The following TRIM2 variants were observed in gnomAD, a reference collection of about 807,000 sequenced individuals.
TRIM2 encodes the protein tripartite motif containing 2.
A neutral mutation model predicts 75.2 loss-of-function variants in TRIM2; 20 were observed. That is an observed-to-expected ratio of 0.27 (90% confidence interval 0.19 to 0.39). The LOEUF (loss-of-function observed/expected upper bound fraction) is 0.39, where lower values mean the gene tolerates loss of function less well. Ranked by LOEUF, TRIM2 falls within the 10% of genes least tolerant of loss-of-function variation. TRIM2 has a pLI of 1.00. For missense variants in TRIM2, 660 were observed against 990.8 expected, an observed-to-expected ratio of 0.67 and a Z score of 4.48; for synonymous variants, 373 against 388.3, an observed-to-expected ratio of 0.96 and a Z score of 0.46.
intron 1 of TRIM2, among the ~76,000 whole-genome samples, chr4:153,239,712 A>T (rs1457680168): frequency 5.9e-5 from 9 of 152,122 alleles, no homozygotes; most frequent in African/African-American, 2.2e-4. Flanking sequence ...CTTTCTCTTC[A>T]ACACATAACA....
chr4:153,255,389 A>G (rs528355568), intron 1 of TRIM2, among the ~76,000 whole-genome samples: 1 of 152,224 alleles, frequency 6.6e-6, no homozygotes, highest in Non-Finnish European at 1.5e-5. Flanking sequence ...GTTGACTGGA[A>G]GAAGAGAATG....
At chr4:153,188,677 C>T (rs1487412476) in intron 1 of TRIM2, among the ~76,000 whole-genome samples, 3 of 151,602 alleles carry the variant, frequency 2.0e-5, no homozygotes. Context: ...GCCTATAATC[C>T]CAGTGCTTTG....
intron 11 of TRIM2, among the ~76,000 whole-genome samples, chr4:153,331,554 A>G (rs1280380848): frequency 6.6e-6 from 1 of 152,228 alleles, no homozygotes; most frequent in African/African-American, 2.4e-5. Context: ...AGACTCAACA[A>G]TGATGTCAGT....
intron 1 of TRIM2, among the ~76,000 whole-genome samples, chr4:153,206,219 C>G (rs186227910): frequency 4.9e-4 from 74 of 152,320 alleles, no homozygotes; most frequent in African/African-American, 1.7e-3. Context: ...GCTGCCCCGA[C>G]CTCAGAGGCC....
chr4:153,262,312 G>A (rs1753783072), intron 1 of TRIM2, among the ~76,000 whole-genome samples: 1 of 152,130 alleles, frequency 6.6e-6, no homozygotes, highest in African/African-American at 2.4e-5. Context: ...TGGGCAGGGG[G>A]CTAGGGAATG....
intron 6 of TRIM2, among the ~76,000 whole-genome samples, chr4:153,313,652 A>C (rs965304166): frequency 1.4e-5 from 1 of 73,264 alleles, no homozygotes; most frequent in African/African-American, 6.2e-5. Context: ...TTTTTTTTTG[A>C]GACAGAGTCT....
At chr4:153,195,466 A>AGATC (rs572271557) in intron 1 of TRIM2, among the ~76,000 whole-genome samples, 164 of 152,250 alleles carry the variant, frequency 1.1e-3, no homozygotes, top group African/African-American at 3.8e-3. Context: ...CAGTGAGCTG[A>AGATC]GATCGCACCA....
Position 153,337,182 on chromosome 4 carries a change from T to C in TRIM2, c.*2216T>C, listed in dbSNP as rs1038904970. On this transcript the variant is annotated 3_prime_UTR_variant, in exon 12 of 12. Transcript: ENST00000338700. ...AAACTTTTCAAATTGGTTACATTAA[T>C]TTTAGTTTATTTTCACAAGTAAAAA... 8 of 985,264 alleles carry C rather than the reference T, an allele frequency of 8.1e-6. No individual in the cohort carries two copies. Among genetic ancestry groups the C allele is most frequent in the Non-Finnish European group, 9.6e-6 (8 of 829,860 alleles). The allele number at this position is 985,264 out of a possible 1,614,324, so 61.0% of individuals were successfully genotyped here. A position where few individuals can be genotyped will look rare whatever the true frequency, so the allele number is the denominator to read the frequency against.
chr4:153,217,459 A>G (rs1467324562), intron 1 of TRIM2, among the ~76,000 whole-genome samples: 1 of 152,252 alleles, frequency 6.6e-6, no homozygotes, highest in African/African-American at 2.4e-5. Context: ...AAGAAAGTGC[A>G]GGTCAGTTGA....
At chr4:153,152,681 A>G (rs978253216), upstream of TRIM2, 3 of 152,060 alleles carry the variant, frequency 2.0e-5, no homozygotes, top group Non-Finnish European at 2.9e-5. Context: ...AAACGGGAGC[A>G]GAGCAGTTGA....
intron 8 of TRIM2, 60 bp downstream of exon 8, chr4:153,316,059 T>C (rs1312172445): frequency 6.9e-6 from 10 of 1,453,626 alleles, no homozygotes; most frequent in South Asian, 2.8e-5. Context: ...AAATACAAAA[T>C]GAAATTGCAT....
intron 1 of TRIM2, among the ~76,000 whole-genome samples, chr4:153,235,425 C>T (rs896871423): frequency 6.6e-6 from 1 of 151,998 alleles, no homozygotes; most frequent in Non-Finnish European, 1.5e-5. Context: ...GCTGGGACTA[C>T]AGGCAGGCAC....
chr4:153,185,163 G>A (rs748288501), intron 1 of TRIM2, among the ~76,000 whole-genome samples: 3 of 152,214 alleles, frequency 2.0e-5, no homozygotes, highest in Non-Finnish European at 4.4e-5. Flanking sequence ...CAAAACAAAT[G>A]AGTGAGTGAA....
intron 1 of TRIM2, among the ~76,000 whole-genome samples, chr4:153,184,720 T>C (rs1036894576): frequency 2.0e-5 from 3 of 152,220 alleles, no homozygotes; most frequent in African/African-American, 7.2e-5. Flanking sequence ...GAAAACTCAG[T>C]CTTCAGAGTT....
At chr4:153,158,657 A>T (rs1729458141) in intron 1 of TRIM2, among the ~76,000 whole-genome samples, 1 of 152,230 alleles carries the variant, frequency 6.6e-6, no homozygotes, top group Non-Finnish European at 1.5e-5. Flanking sequence ...TGTCAGGTGG[A>T]GTGCTAGACT....
In TRIM2 at chr4:153,175,950, G is replaced by T. The variant is rs545589218; in HGVS notation, c.-49+22680G>T. Among the ~76,000 whole-genome samples, 181 of 152,162 alleles carry T rather than the reference G, an allele frequency of 1.2e-3. 6 individuals are homozygous for T. The South Asian group carries it at 0.035, about 30-fold the overall frequency. ...AGTCTCATACTTAGGAGGCTGAGGC[G>T]AGAGAATCAGTGGGGCCCAGGAGTT... On this transcript the variant is annotated intron_variant, in intron 1 of 11. Coordinates refer to the TRIM2 transcript ENST00000437508.
chr4:153,273,785 C>T (rs1180590310), intron 2 of TRIM2, among the ~76,000 whole-genome samples: 1 of 152,118 alleles, frequency 6.6e-6, no homozygotes, highest in Non-Finnish European at 1.5e-5. Context: ...ATACAGGAAA[C>T]AATATAATAG....
At chr4:153,331,877 A>G (rs1054332870) in intron 11 of TRIM2, among the ~76,000 whole-genome samples, 1 of 152,236 alleles carries the variant, frequency 6.6e-6, no homozygotes, top group African/African-American at 2.4e-5. Flanking sequence ...ACAAAGGTAC[A>G]AAAGCAATTC....
chr4:153,163,493 ATCTTTT>A (rs1236056483), intron 1 of TRIM2, among the ~76,000 whole-genome samples: 28 of 80,882 alleles, frequency 3.5e-4, no homozygotes, highest in Non-Finnish European at 5.8e-4. Flanking sequence ...CTAGATTTAC[ATCTTTT>A]TTTTTTTTTT....
Sources: allele counts gnomAD v4.1 joint callset (sites outside exome capture counted in the v4.1 genomes callset), GRCh38; gene constraint gnomAD v4.1.1; transcripts MANE v1.5; gene names NCBI Gene and HGNC (gene_info 2026-07-23, HGNC 2026-07-21).